Variants in TRPM6 observed in about 807,000 individuals in gnomAD.
TRPM6 encodes transient receptor potential cation channel subfamily M member 6.
A neutral mutation model predicts 247.6 loss-of-function variants in TRPM6; 111 were observed. That is an observed-to-expected ratio of 0.45 (90% CI 0.38 to 0.52). The LOEUF (loss-of-function observed/expected upper bound fraction) is 0.52, where lower values mean the gene tolerates loss of function less well. TRPM6 is among the 20% of genes least tolerant of loss of function. The pLI, the probability that TRPM6 is intolerant of heterozygous loss-of-function variation, is 0.00. For synonymous variants in TRPM6, 892 were observed against 853.8 expected, an observed-to-expected ratio of 1.04 and a Z score of -0.78; for missense variants, 2,126 against 2,421.5, an observed-to-expected ratio of 0.88 and a Z score of 2.56.
chr9:74,858,564 T>C, intron 2 of TRPM6, 105 bp downstream of exon 2: 3 of 678,400 alleles, frequency 4.4e-6, no homozygotes, highest in Non-Finnish European at 7.5e-6. Context: ...ATTCTAACTT[T>C]ATAGATATGA....
At chr9:74,759,930 AT>A (rs1367488506) in intron 27 of TRPM6, among the ~76,000 whole-genome samples, 1 of 152,120 alleles carries the variant, frequency 6.6e-6, no homozygotes, top group Admixed American at 6.6e-5. Context: ...CAACAACCCA[AT>A]TTTTTAAATG....
intron 6 of TRPM6, 107 bp downstream of exon 6, chr9:74,833,891 T>C (rs1473592179): frequency 1.8e-5 from 27 of 1,464,604 alleles, no homozygotes; most frequent in African/African-American, 4.2e-5. Context: ...TGGTAGTGAA[T>C]ATATTACATC....
chr9:74,785,783 A>C (rs1165883969), intron 21 of TRPM6, 91 bp downstream of exon 21: 9 of 1,488,144 alleles, frequency 6.0e-6, no homozygotes, highest in Admixed American at 3.4e-5. Flanking sequence ...TTGGCCTCCC[A>C]AAGTGCTGGG....
intron 30 of TRPM6, among the ~76,000 whole-genome samples, chr9:74,748,209 TGTAA>T (rs1826116753): frequency 6.6e-6 from 1 of 152,188 alleles, no homozygotes; most frequent in South Asian, 2.1e-4. Context: ...ATTATGCTGG[TGTAA>T]GTAAGCCTAC....
Position 74,874,520 on chromosome 9 carries a change from C to T in TRPM6, c.33+13304G>A, listed in dbSNP as rs367770495. 4.2e-4 allele frequency among the ~76,000 whole-genome samples: 64 copies of T among 152,166 alleles called. 1 individual carries two copies. In the East Asian group the frequency reaches 7.3e-3, roughly 17 times the overall value. On this transcript the variant is annotated intron_variant, in intron 1 of 38. Transcript: ENST00000360774. ...TGCCTTTCTTTAAGTCACTGAGGAC[C>T]GCAACTCCAGAACAGGTTTCCATTT...
intron 1 of TRPM6, among the ~76,000 whole-genome samples, chr9:74,884,233 A>G (rs999815189): frequency 2.8e-4 from 42 of 152,240 alleles, no homozygotes; most frequent in African/African-American, 9.9e-4. Flanking sequence ...GCTCACACCT[A>G]TAATCCCAGC....
chr9:74,840,589 C>A (rs1418263190), intron 4 of TRPM6, among the ~76,000 whole-genome samples: 1 of 151,974 alleles, frequency 6.6e-6, no homozygotes, highest in Non-Finnish European at 1.5e-5. Context: ...CCGAGGTGGG[C>A]GGAACACCTG....
At chr9:74,837,028 C>T (rs1170728381) in intron 5 of TRPM6, among the ~76,000 whole-genome samples, 3 of 152,200 alleles carry the variant, frequency 2.0e-5, no homozygotes, top group Non-Finnish European at 4.4e-5. Context: ...TCACTAGTTG[C>T]TTTTTGTCTG....
At chr9:74,789,518 C>T (rs995243901) in intron 19 of TRPM6, among the ~76,000 whole-genome samples, 14 of 152,010 alleles carry the variant, frequency 9.2e-5, no homozygotes, top group African/African-American at 3.4e-4. Flanking sequence ...TCTGTCCATG[C>T]GCATTGAAAA....
intron 1 of TRPM6, among the ~76,000 whole-genome samples, chr9:74,874,759 A>ATTTT (rs34812726): frequency 7.0e-6 from 1 of 143,194 alleles, no homozygotes; most frequent in African/African-American, 2.6e-5. Flanking sequence ...TTGTAATTGT[A>ATTTT]TTTTTTTTTT....
chr9:74,810,537 A>G (rs1028610463), intron 13 of TRPM6, among the ~76,000 whole-genome samples: 1 of 152,236 alleles, frequency 6.6e-6, no homozygotes, highest in Non-Finnish European at 1.5e-5. Context: ...GGGTAAGCTG[A>G]AGTTCTGATT....
At chr9:74,806,823 C>G (rs1220250433) in intron 14 of TRPM6, among the ~76,000 whole-genome samples, 2 of 152,174 alleles carry the variant, frequency 1.3e-5, no homozygotes, top group Non-Finnish European at 2.9e-5. Flanking sequence ...CTTGTAACTA[C>G]TACAGTCTAG....
chr9:74,729,926 T>C (rs528140316), intron 37 of TRPM6, among the ~76,000 whole-genome samples: 1 of 152,310 alleles, frequency 6.6e-6, no homozygotes, highest in Non-Finnish European at 1.5e-5. Flanking sequence ...ACCTGTAAGT[T>C]AAATGATTTC....
intron 5 of TRPM6, among the ~76,000 whole-genome samples, chr9:74,836,043 G>A (rs1431355856): frequency 6.6e-6 from 1 of 152,084 alleles, no homozygotes; most frequent in Non-Finnish European, 1.5e-5. Flanking sequence ...TACATTCTAT[G>A]AGTTTTGACA....
intron 7 of TRPM6, among the ~76,000 whole-genome samples, chr9:74,824,742 C>T (rs1306208606): frequency 3.9e-5 from 6 of 152,044 alleles, no homozygotes; most frequent in Non-Finnish European, 8.8e-5. Flanking sequence ...ACTTGGATTA[C>T]GAAAAGATAC....
At chr9:74,816,994 A>G (rs767018780) in intron 9 of TRPM6, 30 bp from the exon 10 acceptor site, 6 of 1,584,114 alleles carry the variant, frequency 3.8e-6, no homozygotes, top group South Asian at 2.2e-5. Flanking sequence ...AGAGCCATAC[A>G]TTTGGGGAAC....
chr9:74,799,950 A>C (rs1828253083), intron 17 of TRPM6: 1 of 416,020 alleles, frequency 2.4e-6, no homozygotes, highest in East Asian at 5.1e-5. Context: ...GCCAGGGTTG[A>C]TTCAGCTGAT....
intron 3 of TRPM6, among the ~76,000 whole-genome samples, chr9:74,850,048 G>C (rs1454387041): frequency 6.6e-6 from 1 of 152,250 alleles, no homozygotes; most frequent in Non-Finnish European, 1.5e-5. Context: ...AGGGGAAACA[G>C]AAGTGTCTAC....
intron 1 of TRPM6, among the ~76,000 whole-genome samples, chr9:74,863,083 G>A (rs1272683375): frequency 6.6e-6 from 1 of 151,324 alleles, no homozygotes; most frequent in Non-Finnish European, 1.5e-5. Flanking sequence ...AGTTTCTCTC[G>A]TTGCCCAGAC....
Sources: gnomAD v4.1 joint callset for allele counts (sites outside exome capture counted in the v4.1 genomes callset) on GRCh38, gnomAD v4.1.1 for gene constraint, MANE v1.5 for transcripts, NCBI Gene and HGNC (gene_info 2026-07-23, HGNC 2026-07-21) for gene names.